Variants in PFKFB2 observed in about 807,000 individuals in gnomAD.
The protein encoded by PFKFB2 is 6-phosphofructo-2-kinase/fructose-2,6-biphosphatase 2.
In PFKFB2, 53 loss-of-function variants were observed where a neutral mutation model predicts 68.0. The observed-to-expected ratio is 0.78, with a 90% CI of 0.63 to 0.98. The LOEUF (loss-of-function observed/expected upper bound fraction) is 0.98. Ranked by LOEUF, PFKFB2 falls within the 50% of genes least tolerant of loss-of-function variation. The probability of loss-of-function intolerance (pLI) is 0.00; values close to 1 mark genes in which losing one functional copy is unlikely to be tolerated. For missense variants in PFKFB2, 451 were observed against 642.0 expected, an observed-to-expected ratio of 0.70 and a Z score of 3.22; for synonymous variants, 222 against 227.6, an observed-to-expected ratio of 0.98 and a Z score of 0.22.
In PFKFB2 at chr1:207,061,974, A is replaced by G; in HGVS notation, c.107A>G (p.Asn36Ser). The G allele has an allele frequency of 1.9e-6, 3 of 1,614,010 alleles. No homozygotes were observed. The highest frequency in any genetic ancestry group is 2.5e-6 in the Non-Finnish European group (3 of 1,179,994). Reference protein sequence around the residue: ...KKCSWASYMTNSPTLIVMIGL... With the variant: ...KKCSWASYMTSSPTLIVMIGL... Reference sequence around the variant, plus strand: ...CTAGCATGGGCCTCCTACATGACCAACTCCCCGACTCTGATCGTTATGATT... The same window carrying G: ...CTAGCATGGGCCTCCTACATGACCAGCTCCCCGACTCTGATCGTTATGATT... Residue 36 changes from asparagine to serine, a missense_variant, in exon 3 of 15, where the codon AAC becomes AGC. By Grantham distance (46) the Asn-to-Ser change is conservative. Coordinates refer to ENST00000367080, the MANE Select transcript of PFKFB2 (RefSeq NM_006212.2).
chr1:207,066,959 T>C (rs574760988), intron 8 of PFKFB2, among the ~76,000 whole-genome samples: 4 of 152,290 alleles, frequency 2.6e-5, no homozygotes, highest in East Asian at 1.9e-4. Context: ...GCCACACTTA[T>C]GACTTTTATA....
At chr1:207,052,276 C>T, upstream of PFKFB2, 2 of 1,560,386 alleles carry the variant, frequency 1.3e-6, no homozygotes, top group Non-Finnish European at 1.8e-6. Context: ...TTTGCTGGTG[C>T]AATTTTCCTC....
chr1:207,079,023 T>C, downstream of PFKFB2: 1 of 1,609,192 alleles, frequency 6.2e-7, no homozygotes, highest in Non-Finnish European at 8.5e-7. Context: ...TTGCTAATGA[T>C]GTGGATGTTC....
chr1:207,063,223 G>A lies in PFKFB2; in HGVS notation c.375+14G>A. ...GGTCAGATTGCGGTAAGCTTTATCTGCTGCTTCTTCTTTCTGGTCCCCACC... is the reference window on the plus strand; with the variant it reads ...GGTCAGATTGCGGTAAGCTTTATCTACTGCTTCTTCTTTCTGGTCCCCACC... On this transcript the variant is annotated intron_variant, in intron 5 of 14. Transcript: ENST00000367080. The surrounding 1 kb of genome is among the most constrained non-coding windows in gnomAD (Gnocchi z 4.1). 2 of 1,611,794 alleles carry A rather than the reference G, an allele frequency of 1.2e-6. No homozygotes were observed. Among genetic ancestry groups the A allele is most frequent in the Non-Finnish European group, 1.7e-6 (2 of 1,177,878 alleles).
At chr1:207,061,897 A>G (rs1161069969) in intron 2 of PFKFB2, 56 bp from the exon 3 acceptor site, 1 of 1,522,036 alleles carries the variant, frequency 6.6e-7, no homozygotes, top group African/African-American at 1.4e-5. Flanking sequence ...ACAAACACCA[A>G]AAAACCTTAC....
intron 1 of PFKFB2, among the ~76,000 whole-genome samples, chr1:207,037,473 T>C (rs2102313138): frequency 6.6e-6 from 1 of 152,352 alleles, no homozygotes; most frequent in African/African-American, 2.4e-5. Flanking sequence ...ACAGCTTTTA[T>C]CTATAGGTCA....
At chr1:207,067,030 G>A (rs1683311255) in intron 8 of PFKFB2, among the ~76,000 whole-genome samples, 2 of 152,216 alleles carry the variant, frequency 1.3e-5, no homozygotes, top group South Asian at 2.1e-4. Context: ...TTTGAGAGAA[G>A]CATGATTAGG....
chr1:207,074,483 C>T lies in PFKFB2; in HGVS notation c.*2112C>T, dbSNP rs999530035. On this transcript the variant is annotated 3_prime_UTR_variant, in exon 15 of 15. Transcript: ENST00000367080. Reference sequence around the variant, plus strand: ...CCCTGGAGAGAGGTGCAGACCCTGCCAGGATGATAAAGGTTGTCATCACTG... The same window carrying T: ...CCCTGGAGAGAGGTGCAGACCCTGCTAGGATGATAAAGGTTGTCATCACTG... The T allele has an allele frequency of 3.0e-6, 3 of 985,352 alleles. No homozygotes were observed. Among genetic ancestry groups the T allele is most frequent in the Non-Finnish European group, 2.4e-6 (2 of 829,918 alleles). 61.0% of individuals were successfully genotyped at this position (985,352 alleles called of 1,614,324 possible).
chr1:207,070,143 A>T lies in PFKFB2; in HGVS notation c.1093-137A>T, dbSNP rs1683423569. 3.3e-6 allele frequency: 3 copies of T among 910,562 alleles called. No individual in the cohort carries two copies. The highest frequency in any genetic ancestry group is 3.3e-5 in the African/African-American group (2 of 59,870). 56.4% of individuals were successfully genotyped at this position (910,562 alleles called of 1,614,324 possible). On this transcript the variant is annotated intron_variant, in intron 11 of 14. Transcript: ENST00000367080. This position sits in a 1 kb window ranked among gnomAD's most constrained non-coding sequence, Gnocchi z 4.2. ...CAGGGCTGGGGGCAGTTAGCAGGTG[A>T]TGTAAACTCACTGAGCCTCCAGGAG...
At chr1:207,049,029 T>C (rs767930885), upstream of PFKFB2, 1 of 1,613,342 alleles carries the variant, frequency 6.2e-7, no homozygotes, top group Non-Finnish European at 8.5e-7. Flanking sequence ...GTCACACTTC[T>C]CCAAAGTTGG....
intron 2 of PFKFB2, among the ~76,000 whole-genome samples, chr1:207,042,549 C>CAAAGAA: frequency 2.2e-5 from 1 of 44,714 alleles, no homozygotes; most frequent in Non-Finnish European, 4.2e-5. Flanking sequence ...CTCTGTCTCA[C>CAAAGAA]AAAAAAAAAA....
At chr1:207,043,463 A>G (rs189128815) in intron 2 of PFKFB2, among the ~76,000 whole-genome samples, 15 of 152,322 alleles carry the variant, frequency 9.8e-5, no homozygotes, top group Admixed American at 8.5e-4. Flanking sequence ...ACATGTTTAA[A>G]TGTTGACATT....
intron 12 of PFKFB2, 60 bp from the exon 13 acceptor site, chr1:207,071,128 T>A (rs1026606364): frequency 3.0e-6 from 4 of 1,324,566 alleles, no homozygotes; most frequent in Admixed American, 1.7e-5. Flanking sequence ...TTTCTTCCAC[T>A]AACTTGACCT....
rs1558066158 is a variant in PFKFB2 at position 207,072,254 on chromosome 1, T to A, written c.1401T>A (p.Phe467Leu). ...CTGTAAGGATGAGAAGGAACAGCTT[T>A]ACGCCTCTGTCCAGTTCGAATACAA... Reference protein sequence around the residue: ...QTPVRMRRNSFTPLSSSNTIR... With the variant: ...QTPVRMRRNSLTPLSSSNTIR... The change falls in exon 15 of 15, where the codon TTT becomes TTA. Residue 467 changes from phenylalanine to leucine, a missense_variant. Physicochemically the swap from Phe to Leu is conservative, Grantham distance 22. Transcript: ENST00000367080. 1 of 1,614,106 alleles carries A rather than the reference T, an allele frequency of 6.2e-7. No homozygotes were observed. The highest frequency in any genetic ancestry group is 1.7e-5 in the Admixed American group (1 of 60,006).
intron 1 of PFKFB2, among the ~76,000 whole-genome samples, chr1:207,053,710 G>C (rs555836575): frequency 9.9e-5 from 15 of 152,102 alleles, no homozygotes; most frequent in Admixed American, 3.3e-4. Context: ...TCAGCGCTCC[G>C]GCGTTCTTTA....
intron 12 of PFKFB2, 100 bp from the exon 13 acceptor site, chr1:207,071,088 A>G: frequency 1.0e-6 from 1 of 956,058 alleles, no homozygotes; most frequent in South Asian, 1.4e-5. Flanking sequence ...GGTCAAAGTA[A>G]GGGAAACTCA....
chr1:207,046,791 T>C (rs528035693), intron 2 of PFKFB2: 11 of 152,104 alleles, frequency 7.2e-5, no homozygotes, highest in Admixed American at 2.6e-4. Context: ...AAATATATAC[T>C]GAATATAAAG....
intron 3 of PFKFB2, among the ~76,000 whole-genome samples, chr1:207,062,352 A>T (rs1264103893): frequency 1.3e-5 from 2 of 152,204 alleles, no homozygotes; most frequent in Non-Finnish European, 2.9e-5. Context: ...CATGGACATC[A>T]TCTTATATAA....
At chr1:207,077,831 G>C (rs1234372966), downstream of PFKFB2, 2 of 984,446 alleles carry the variant, frequency 2.0e-6, no homozygotes, top group African/African-American at 1.7e-5. Flanking sequence ...GAAGGCTTCT[G>C]GGTTTTTTGT....
Sources: gnomAD v4.1 joint callset for allele counts (sites outside exome capture counted in the v4.1 genomes callset) on GRCh38, gnomAD v4.1.1 for gene constraint, Gnocchi (gnomAD v3.1) non-coding constraint, MANE v1.5 for transcripts, NCBI Gene and HGNC (gene_info 2026-07-23, HGNC 2026-07-21) for gene names.